NREP: variants seen among roughly 807,000 people sequenced by gnomAD.
NREP encodes the protein neuronal regeneration related protein.
A neutral mutation model predicts 8.6 loss-of-function variants in NREP; 5 were observed. The ratio of observed to expected loss-of-function variants is 0.58; its 90% confidence interval spans 0.30 to 1.22. The LOEUF (loss-of-function observed/expected upper bound fraction) is 1.22. Among genes scored for constraint, NREP ranks in the 50% most tolerant of loss-of-function variants. The pLI is 0.07. For missense variants in NREP, 86 were observed against 82.5 expected, an observed-to-expected ratio of 1.04 and a Z score of -0.17; for synonymous variants, 27 against 28.0, an observed-to-expected ratio of 0.96 and a Z score of 0.11.
At chr5:111,934,473 A>C (rs140950373) in intron 2 of NREP, among the ~76,000 whole-genome samples, 1 of 152,222 alleles carries the variant, frequency 6.6e-6, no homozygotes, top group East Asian at 1.9e-4. Context: ...AGTAATTAAA[A>C]TAACTCATTT....
chr5:111,914,796 C>A (rs1257041443), intron 2 of NREP, among the ~76,000 whole-genome samples: 1 of 152,082 alleles, frequency 6.6e-6, no homozygotes, highest in South Asian at 2.1e-4. Flanking sequence ...TTAAAGAATA[C>A]ACTTTTAAGG....
rs183249178 is a variant in NREP at position 111,867,456 on chromosome 5, A to G, written c.135+107818T>C. 1.4e-4 allele frequency among the ~76,000 whole-genome samples: 22 copies of G among 152,164 alleles called. No individual in the cohort carries two copies. The East Asian group carries it at 4.3e-3, about 29-fold the overall frequency. On this transcript the variant is annotated intron_variant, in intron 2 of 3. Coordinates refer to the NREP transcript ENST00000395634. ...CCCCTCCCTCCCTATAAGGCCACCA[A>G]TGCTGTTGGATTAGGACCCCACCCT...
intron 2 of NREP, among the ~76,000 whole-genome samples, chr5:111,870,724 AAGAG>A (rs1261542129): frequency 6.6e-6 from 1 of 152,072 alleles, no homozygotes; most frequent in South Asian, 2.1e-4. Flanking sequence ...CTTACAAGAA[AAGAG>A]AGAGACACAC....
intron 2 of NREP, among the ~76,000 whole-genome samples, chr5:111,782,309 T>C (rs1049234685): frequency 2.6e-5 from 4 of 152,234 alleles, no homozygotes; most frequent in East Asian, 1.9e-4. Context: ...GTGTGACTAA[T>C]AAATTCATCA....
intron 2 of NREP, among the ~76,000 whole-genome samples, chr5:111,743,382 A>C (rs1358309536): frequency 6.6e-6 from 1 of 152,292 alleles, no homozygotes; most frequent in Non-Finnish European, 1.5e-5. Flanking sequence ...TTCAAGAAAT[A>C]TGTTAATAAA....
rs1033287959 is a variant in NREP, at chr5:111,850,530, AT to A, written c.136-115024del. ...TGTCTTTTCTTTCCAAGGCAATATT[AT>A]TTTTTTTTCTACCTTGTCAGCCCCA... On this transcript the variant is annotated intron_variant, in intron 2 of 3. Transcript: ENST00000395634. Among the ~76,000 whole-genome samples, 7 of 150,974 alleles carry A rather than the reference AT, an allele frequency of 4.6e-5. No individual in the cohort carries two copies. In the East Asian group the frequency reaches 7.8e-4, roughly 17 times the overall value.
chr5:111,775,779 T>TTGGG (rs1215620325), intron 2 of NREP, among the ~76,000 whole-genome samples: 1 of 152,018 alleles, frequency 6.6e-6, no homozygotes, highest in Non-Finnish European at 1.5e-5. Flanking sequence ...AAACAACAAT[T>TTGGG]TGGGGGAAAA....
At chr5:111,750,091 T>C (rs1368433431) in intron 2 of NREP, among the ~76,000 whole-genome samples, 4 of 152,148 alleles carry the variant, frequency 2.6e-5, no homozygotes, top group Non-Finnish European at 4.4e-5. Flanking sequence ...GCACATCAAG[T>C]CCTTGACTTC....
chr5:111,918,811 C>T (rs190435281), intron 2 of NREP, among the ~76,000 whole-genome samples: 460 of 152,248 alleles, frequency 3.0e-3, no homozygotes, highest in African/African-American at 5.3e-3. Context: ...GCAAAGACTT[C>T]GTGACTAAAA....
upstream of NREP, among the ~76,000 whole-genome samples, chr5:111,762,534 T>C (rs75899656): frequency 0.051 from 7,706 of 151,940 alleles, 225 homozygotes; most frequent in Non-Finnish European, 0.061. Flanking sequence ...AGATAGGGTC[T>C]TTAAAGAGAT....
At chr5:111,956,674 C>T (rs1315231466) in intron 2 of NREP, among the ~76,000 whole-genome samples, 3 of 151,954 alleles carry the variant, frequency 2.0e-5, no homozygotes, top group Admixed American at 6.6e-5. Context: ...ATTTAAAATG[C>T]CAATTAAGGC....
intron 2 of NREP, among the ~76,000 whole-genome samples, chr5:111,965,137 C>T (rs562277372): frequency 6.6e-6 from 1 of 152,014 alleles, no homozygotes; most frequent in African/African-American, 2.4e-5. Flanking sequence ...ATATTATATA[C>T]AATCATGACT....
chr5:111,940,363 T>C (rs1237459473), intron 2 of NREP, among the ~76,000 whole-genome samples: 2 of 152,058 alleles, frequency 1.3e-5, no homozygotes, highest in Non-Finnish European at 2.9e-5. Context: ...AAAGTACAGT[T>C]CAGAAGACAA....
chr5:111,906,211 A>G (rs1754774373), intron 2 of NREP, among the ~76,000 whole-genome samples: 1 of 152,032 alleles, frequency 6.6e-6, no homozygotes, highest in Non-Finnish European at 1.5e-5. Context: ...GCACATCTAG[A>G]GTTTTTTAAT....
intron 2 of NREP, among the ~76,000 whole-genome samples, chr5:111,965,874 T>C (rs1387225504): frequency 6.6e-6 from 1 of 152,106 alleles, no homozygotes; most frequent in African/African-American, 2.4e-5. Context: ...GTCTCCTAAG[T>C]AGGACCAGTT....
chr5:111,933,223 T>G (rs905284320), intron 2 of NREP, among the ~76,000 whole-genome samples: 3 of 152,146 alleles, frequency 2.0e-5, no homozygotes, highest in Non-Finnish European at 4.4e-5. Context: ...GTTCTCTGTC[T>G]TTGATTCCTG....
chr5:111,909,970 A>G (rs74377965), intron 2 of NREP, among the ~76,000 whole-genome samples: 16,839 of 152,136 alleles, frequency 0.11, 1,435 homozygotes, highest in African/African-American at 0.23. Context: ...CCACAGCTAT[A>G]CTTGTGATTT....
In NREP at chr5:111,954,073, C is replaced by T. The variant is rs190186735; in HGVS notation, c.135+21201G>A. On this transcript the variant is annotated intron_variant, in intron 2 of 3. Transcript: ENST00000395634. ...TGAGGTAAAGTGAATTGACATTTAG[C>T]TTTCAGCCAAGCACATGATTAAGTC... 6.4e-3 allele frequency among the ~76,000 whole-genome samples: 967 copies of T among 152,198 alleles called. 12 individuals are homozygous for T. Among genetic ancestry groups the T allele is most frequent in the Non-Finnish European group, 7.3e-3 (498 of 67,994 alleles).
At chr5:111,897,265 C>T (rs1016611091) in intron 2 of NREP, among the ~76,000 whole-genome samples, 1 of 152,020 alleles carries the variant, frequency 6.6e-6, no homozygotes, top group African/African-American at 2.4e-5. Flanking sequence ...TCCCAGGGCC[C>T]TACAGCTGGT....
Sources: allele counts gnomAD v4.1 joint callset (sites outside exome capture counted in the v4.1 genomes callset), GRCh38; gene constraint gnomAD v4.1.1; transcripts MANE v1.5; gene names NCBI Gene and HGNC (gene_info 2026-07-23, HGNC 2026-07-21).